KLHL14: variants seen among roughly 807,000 people sequenced by gnomAD.
The protein encoded by KLHL14 is kelch-like protein 14.
KLHL14 carries 22 observed loss-of-function variants against 64.3 expected under a neutral mutation model. The observed-to-expected ratio is 0.34, with a 90% confidence interval of 0.24 to 0.49. The LOEUF (loss-of-function observed/expected upper bound fraction) is 0.49, where lower values mean the gene tolerates loss of function less well. KLHL14 is among the 20% of genes least tolerant of loss of function. The pLI is 0.99. For missense variants in KLHL14, 661 were observed against 789.0 expected, an observed-to-expected ratio of 0.84 and a Z score of 1.94; for synonymous variants, 322 against 333.4, an observed-to-expected ratio of 0.97 and a Z score of 0.37.
At chr18:32,729,319 G>C (rs1054836766) in intron 3 of KLHL14, among the ~76,000 whole-genome samples, 17 of 152,260 alleles carry the variant, frequency 1.1e-4, no homozygotes, top group Non-Finnish European at 1.9e-4. Flanking sequence ...GAAGCCACTT[G>C]CCACAGGGGG....
intron 1 of KLHL14, chr18:32,772,046 C>T (rs769324117): frequency 3.9e-6 from 1 of 258,740 alleles, no homozygotes; most frequent in South Asian, 4.2e-5. Flanking sequence ...TGTAATTGCA[C>T]CTTCCAGGGC....
chr18:32,722,599 C>T (rs1334647288), intron 3 of KLHL14, among the ~76,000 whole-genome samples: 2 of 152,086 alleles, frequency 1.3e-5, no homozygotes, highest in East Asian at 1.9e-4. Context: ...CACAACACAA[C>T]ACTGTACCAT....
intron 3 of KLHL14, among the ~76,000 whole-genome samples, chr18:32,730,850 AAATT>A (rs2050133660): frequency 1.3e-5 from 2 of 152,250 alleles, no homozygotes; most frequent in East Asian, 1.9e-4. Flanking sequence ...TTAAAAAAAT[AAATT>A]AAGACTTAAT....
Position 32,770,186 on chromosome 18 carries a change from G to T in KLHL14, c.406C>A (p.Arg136Ser). ...VLQGCSSIGL[R>S]LVLEYLYTAN... ...GTGTAGAGGTACTCGAGCACCAGGC[G>T]CAGCCCGATGGACGAGCAGCCCTGC... is the stretch of plus-strand genomic sequence containing the variant. The change falls in exon 2 of 9, where the codon CGC becomes AGC. Residue 136 changes from arginine (R) to serine (S), a missense_variant. Physicochemically the swap from Arg to Ser is moderately radical, Grantham distance 110. Around this residue, in one of 2 missense-constraint regions of KLHL14, gnomAD observed 331 missense variants for 339.0 expected, o/e 0.98. Transcript: ENST00000359358. This position sits in a 1 kb window ranked among gnomAD's most constrained non-coding sequence, Gnocchi z 6.7. 1 of 1,613,276 alleles carries T rather than the reference G, an allele frequency of 6.2e-7. No individual in the cohort carries two copies. Among genetic ancestry groups the T allele is most frequent in the Non-Finnish European group, 8.5e-7 (1 of 1,179,370 alleles).
chr18:32,768,158 G>GAA (rs2050356553), intron 2 of KLHL14, among the ~76,000 whole-genome samples: 1 of 152,010 alleles, frequency 6.6e-6, no homozygotes, highest in African/African-American at 2.4e-5. Flanking sequence ...AAGCACACGG[G>GAA]GATTTGGATT....
intron 2 of KLHL14, among the ~76,000 whole-genome samples, chr18:32,756,353 C>T (rs1359086060): frequency 6.6e-6 from 1 of 151,882 alleles, no homozygotes; most frequent in African/African-American, 2.4e-5. Flanking sequence ...AAATTGGAGA[C>T]AATAAATTTT....
rs2049793323 is a variant in KLHL14 at position 32,673,105 on chromosome 18, T to G, written c.*1552A>C. 1 of 152,474 alleles carries G rather than the reference T, an allele frequency of 6.6e-6. No individual in the cohort carries two copies. The highest frequency in any genetic ancestry group is 2.4e-5 in the African/African-American group (1 of 41,416). 9.4% of individuals were successfully genotyped at this position (152,474 alleles called of 1,614,324 possible). On this transcript the variant is annotated 3_prime_UTR_variant, in exon 9 of 9. Transcript: ENST00000359358. ...ATATACATATATTTATATATATATA[T>G]TTTTACAACGGATCCTTTGGATCTG...
chr18:32,690,855 T>C (rs1292297038), intron 4 of KLHL14, among the ~76,000 whole-genome samples: 1 of 151,456 alleles, frequency 6.6e-6, no homozygotes, highest in Non-Finnish European at 1.5e-5. Context: ...ATAGGAATCA[T>C]GTGGGAAAGT....
At chr18:32,706,200 A>G (rs996716671) in intron 3 of KLHL14, among the ~76,000 whole-genome samples, 2 of 152,210 alleles carry the variant, frequency 1.3e-5, no homozygotes, top group Admixed American at 6.5e-5. Context: ...AGTAAGTACT[A>G]GAGCAGTTGG....
In KLHL14 at chr18:32,760,362, A is replaced by ACG. The variant is rs1555666662; in HGVS notation, c.947+9282_947+9283insCG. 6.4e-4 allele frequency among the ~76,000 whole-genome samples: 96 copies of ACG among 150,620 alleles called. No homozygotes were observed. In the East Asian group the frequency reaches 0.018, roughly 28 times the overall value. On this transcript the variant is annotated intron_variant, in intron 2 of 8. Transcript: ENST00000359358. ...CATACACACACACACACACACACAC[A>ACG]TATACACACACACACAAACATGCAC...
chr18:32,717,927 C>T (rs2050054622), intron 3 of KLHL14, among the ~76,000 whole-genome samples: 1 of 152,234 alleles, frequency 6.6e-6, no homozygotes, highest in Non-Finnish European at 1.5e-5. Flanking sequence ...TGACCAAAGA[C>T]ATCAGATCAA....
At chr18:32,695,297 A>C (rs1052248964) in intron 4 of KLHL14, among the ~76,000 whole-genome samples, 166 bp downstream of exon 4, 1 of 152,150 alleles carries the variant, frequency 6.6e-6, no homozygotes, top group Non-Finnish European at 1.5e-5. Flanking sequence ...AGTTAGCTCA[A>C]TGATTGACCC....
intron 2 of KLHL14, among the ~76,000 whole-genome samples, chr18:32,750,897 C>A (rs1568082420): frequency 6.6e-6 from 1 of 152,154 alleles, no homozygotes; most frequent in Non-Finnish European, 1.5e-5. Context: ...ACATTAATAA[C>A]CAATTACATC....
At chr18:32,717,746 T>C (rs2050053499) in intron 3 of KLHL14, among the ~76,000 whole-genome samples, 2 of 152,244 alleles carry the variant, frequency 1.3e-5, no homozygotes, top group African/African-American at 4.8e-5. Flanking sequence ...TCTCTCCCAG[T>C]CTTTAATTCT....
rs1228360137 is a variant in KLHL14 at position 32,687,205 on chromosome 18, T to C, written c.1188A>G (p.Arg396=). The change falls in exon 5 of 9, where the codon CGA becomes CGG. Residue 396 remains arginine, a synonymous_variant. Coordinates refer to ENST00000359358, the MANE Select transcript of KLHL14 (RefSeq NM_020805.3). ...NGKHSTNFVS[R]YDPRFNSWIQ... is the part of the protein sequence containing the mutation. Reference sequence around the variant, plus strand: ...TCCAGCTATTAAATCGAGGATCATATCGGCTGACAAAATTTGTACTGTGTT... The same window carrying C: ...TCCAGCTATTAAATCGAGGATCATACCGGCTGACAAAATTTGTACTGTGTT... 1 of 1,613,952 alleles carries C rather than the reference T, an allele frequency of 6.2e-7. No individual in the cohort carries two copies. Among genetic ancestry groups the C allele is most frequent in the Non-Finnish European group, 8.5e-7 (1 of 1,179,836 alleles).
intron 2 of KLHL14, among the ~76,000 whole-genome samples, chr18:32,748,940 CCAT>C (rs2050238559): frequency 6.6e-6 from 1 of 152,184 alleles, no homozygotes; most frequent in South Asian, 2.1e-4. Context: ...ATTACCACCA[CCAT>C]CATCAACAAC....
At chr18:32,736,498 T>C (rs1024136691) in intron 3 of KLHL14, among the ~76,000 whole-genome samples, 2 of 152,082 alleles carry the variant, frequency 1.3e-5, no homozygotes. Context: ...ATATTGTATA[T>C]AATATTTAGA....
intron 2 of KLHL14, among the ~76,000 whole-genome samples, chr18:32,766,503 C>T (rs1338866490): frequency 6.6e-6 from 1 of 151,980 alleles, no homozygotes; most frequent in Non-Finnish European, 1.5e-5. Flanking sequence ...GAGAATGTTT[C>T]AAATCTACTA....
At chr18:32,695,415 TAC>T (rs1250170822) in intron 4 of KLHL14, 46 bp downstream of exon 4, 3 of 1,143,902 alleles carry the variant, frequency 2.6e-6, no homozygotes, top group Non-Finnish European at 4.0e-6. Context: ...TGCCCTTCAT[TAC>T]ACACATACTT....
Sources: gnomAD v4.1 joint callset for allele counts (sites outside exome capture counted in the v4.1 genomes callset) on GRCh38, gnomAD v4.1.1 for gene constraint, gnomAD v4.1.1 regional missense constraint, Gnocchi (gnomAD v3.1) non-coding constraint, MANE v1.5 for transcripts, NCBI Gene and HGNC (gene_info 2026-07-23, HGNC 2026-07-21) for gene names.